The following SLC9A9 variants were observed in gnomAD, a reference collection of about 807,000 sequenced individuals.
SLC9A9 encodes sodium/hydrogen exchanger 9.
SLC9A9 carries 62 observed loss-of-function variants against 77.8 expected under a neutral mutation model. That is an observed-to-expected ratio of 0.80 (90% CI 0.65 to 0.98). The LOEUF (loss-of-function observed/expected upper bound fraction) is 0.98, where lower values mean the gene tolerates loss of function less well. SLC9A9 is among the 50% of genes least tolerant of loss of function. The pLI is 0.00. For synonymous variants in SLC9A9, 320 were observed against 283.5 expected (o/e 1.13, Z -1.29); for missense variants, 775 against 774.9 (o/e 1.00, Z 0.00).
At chr3:143,538,999 G>A (rs936945996) in intron 9 of SLC9A9, among the ~76,000 whole-genome samples, 4 of 152,134 alleles carry the variant, frequency 2.6e-5, no homozygotes, top group Admixed American at 2.0e-4. Context: ...ACAAAGCAAG[G>A]CACAGCACAA....
At chr3:143,799,466 C>A (rs2008488690) in intron 2 of SLC9A9, among the ~76,000 whole-genome samples, 1 of 152,136 alleles carries the variant, frequency 6.6e-6, no homozygotes, top group Non-Finnish European at 1.5e-5. Flanking sequence ...TGAGACAAAC[C>A]CCAGCCACAT....
chr3:143,345,828 G>A (rs1423642500), intron 14 of SLC9A9, among the ~76,000 whole-genome samples: 1 of 152,100 alleles, frequency 6.6e-6, no homozygotes. Context: ...CTGTTTGCAA[G>A]GGTGATATGG....
At chr3:143,830,127 A>C (rs1360636732) in intron 2 of SLC9A9, among the ~76,000 whole-genome samples, 1 of 152,196 alleles carries the variant, frequency 6.6e-6, no homozygotes, top group African/African-American at 2.4e-5. Context: ...ATAAGCAACA[A>C]ATATGTATAG....
rs2035599371 is a variant in SLC9A9, at chr3:143,483,112, C to T, written c.1315+10541G>A. ...AGATCAGAATTTGCATTATTAAAAACTTCTCAAGACAGAGGAGACAGATTC... is the reference window on the plus strand; with the variant it reads ...AGATCAGAATTTGCATTATTAAAAATTTCTCAAGACAGAGGAGACAGATTC... On this transcript the variant is annotated intron_variant, in intron 11 of 15. Coordinates refer to ENST00000316549, the MANE Select transcript of SLC9A9 (RefSeq NM_173653.4). Among the ~76,000 whole-genome samples, 8 of 152,380 alleles carry T rather than the reference C, an allele frequency of 5.3e-5. No homozygotes were observed. In the South Asian group the frequency reaches 1.5e-3, roughly 28 times the overall value.
intron 9 of SLC9A9, among the ~76,000 whole-genome samples, chr3:143,519,716 G>A (rs1211226998): frequency 6.6e-6 from 1 of 152,106 alleles, no homozygotes; most frequent in Non-Finnish European, 1.5e-5. Context: ...GACCAGCGTG[G>A]GGGCAATGGG....
At chr3:143,375,161 A>G (rs2033154123) in intron 13 of SLC9A9, among the ~76,000 whole-genome samples, 1 of 152,228 alleles carries the variant, frequency 6.6e-6, no homozygotes, top group Non-Finnish European at 1.5e-5. Flanking sequence ...ATTCACCAAG[A>G]TATATCAATT....
chr3:143,801,322 A>T (rs1431365794), intron 2 of SLC9A9, among the ~76,000 whole-genome samples: 1 of 152,220 alleles, frequency 6.6e-6, no homozygotes, highest in Non-Finnish European at 1.5e-5. Context: ...AGCGGCTGCC[A>T]CTGCCCTAAT....
rs114353740 is a variant in SLC9A9 at position 143,454,193 on chromosome 3, T to C, written c.1469+12844A>G. ...AAACAAACTAAGACACTGGGTCATATAGTAATTGTATTTTTACCTTATAAT... is the reference window on the plus strand; with the variant it reads ...AAACAAACTAAGACACTGGGTCATACAGTAATTGTATTTTTACCTTATAAT... On this transcript the variant is annotated intron_variant, in intron 12 of 15. Coordinates refer to ENST00000316549, the MANE Select transcript of SLC9A9 (RefSeq NM_173653.4). 1.7e-3 allele frequency among the ~76,000 whole-genome samples: 266 copies of C among 152,288 alleles called. 2 individuals are homozygous for C. Among genetic ancestry groups the C allele is most frequent in the African/African-American group, 6.1e-3 (252 of 41,560 alleles).
intron 4 of SLC9A9, among the ~76,000 whole-genome samples, chr3:143,733,480 G>A (rs559991647): frequency 7.9e-4 from 120 of 152,234 alleles, no homozygotes; most frequent in Non-Finnish European, 1.3e-3. Flanking sequence ...GAGAGCACAG[G>A]ACTAATGAAT....
At chr3:143,388,848 A>T (rs1011245815) in intron 12 of SLC9A9, among the ~76,000 whole-genome samples, 1 of 152,378 alleles carries the variant, frequency 6.6e-6, no homozygotes, top group East Asian at 1.9e-4. Context: ...ATTTGAACAC[A>T]CCAACAAAGA....
chr3:143,296,511 C>T (rs1578270984), intron 14 of SLC9A9, among the ~76,000 whole-genome samples: 1 of 152,212 alleles, frequency 6.6e-6, no homozygotes, highest in East Asian at 1.9e-4. Flanking sequence ...GTGAATAATG[C>T]TGCAATGAAC....
At chr3:143,415,291 G>A (rs2034171987) in intron 12 of SLC9A9, among the ~76,000 whole-genome samples, 2 of 152,228 alleles carry the variant, frequency 1.3e-5, no homozygotes, top group African/African-American at 4.8e-5. Flanking sequence ...GATTGTCAAT[G>A]TAGACAAAAC....
chr3:143,700,285 T>A (rs6786896), intron 4 of SLC9A9, among the ~76,000 whole-genome samples: 122,781 of 151,820 alleles, frequency 0.81, 50,144 homozygotes, highest in East Asian at 0.93. Flanking sequence ...ATGGGAAGAG[T>A]CTCCTTCCTG....
At chr3:143,767,094 T>A (rs2007342936) in intron 4 of SLC9A9, among the ~76,000 whole-genome samples, 1 of 152,174 alleles carries the variant, frequency 6.6e-6, no homozygotes, top group African/African-American at 2.4e-5. Context: ...ATGGTTATGG[T>A]GTTTATAACA....
At position 143,449,759 on chromosome 3, in the gene SLC9A9, G is replaced by T. The variant is rs189751470; in HGVS notation, c.1469+17278C>A. Among the ~76,000 whole-genome samples, 10 of 9,476 alleles carry T rather than the reference G, an allele frequency of 1.1e-3. 2 individuals are homozygous for T. The highest frequency in any genetic ancestry group is 1.6e-3 in the African/African-American group (2 of 1,218). 6.2% of individuals were successfully genotyped at this position (9,476 alleles called of 152,430 possible). On this transcript the variant is annotated intron_variant, in intron 12 of 15. Transcript: ENST00000316549. ...ATTATATAAAATAAAAATTATACAA[G>T]TATATATAATTATATATATTTATAT... is the stretch of plus-strand genomic sequence containing the variant.
rs186071601 is a variant in SLC9A9, at chr3:143,532,222, G to A, written c.1089+20140C>T. On this transcript the variant is annotated intron_variant, in intron 9 of 15. Transcript: ENST00000316549. Reference sequence around the variant, plus strand: ...ACAACTGGCTCTCTGGGGGGACAGGGAGAGCCCTGATTTGTAGTGCAAGCT... The same window carrying A: ...ACAACTGGCTCTCTGGGGGGACAGGAAGAGCCCTGATTTGTAGTGCAAGCT... Among the ~76,000 whole-genome samples, 60 of 152,296 alleles carry A rather than the reference G, an allele frequency of 3.9e-4. No individual in the cohort carries two copies. The South Asian group carries it at 4.1e-3, about 11-fold the overall frequency.
intron 2 of SLC9A9, among the ~76,000 whole-genome samples, chr3:143,797,189 T>TAAAATATATATGTATATAAAATATATATA (rs71304253): frequency 0.51 from 74,563 of 147,450 alleles, 19,726 homozygotes; most frequent in East Asian, 0.68. Context: ...TATATATATA[T>TAAAATATATATGTATATAAAATATATATA]AAAATATATA....
chr3:143,495,594 G>A, intron 9 of SLC9A9, 146 bp from the exon 10 acceptor site: 2 of 642,088 alleles, frequency 3.1e-6, no homozygotes, highest in South Asian at 3.6e-5. Context: ...TCTGAAGGAG[G>A]ATGGAGGCCC....
At chr3:143,522,358 T>A (rs2036316258) in intron 9 of SLC9A9, among the ~76,000 whole-genome samples, 1 of 152,200 alleles carries the variant, frequency 6.6e-6, no homozygotes, top group African/African-American at 2.4e-5. Context: ...ATTAGTTGAC[T>A]ACCTTGTGCC....
Sources: gnomAD v4.1 joint callset for allele counts (sites outside exome capture counted in the v4.1 genomes callset) on GRCh38, gnomAD v4.1.1 for gene constraint, MANE v1.5 for transcripts, NCBI Gene and HGNC (gene_info 2026-07-23, HGNC 2026-07-21) for gene names.